The following ARSF variants were observed in gnomAD, a reference collection of about 807,000 sequenced individuals.
The protein encoded by ARSF is arylsulfatase F.
In ARSF, 33 loss-of-function variants were observed where a neutral mutation model predicts 35.4. That is an observed-to-expected ratio of 0.93 (90% confidence interval 0.71 to 1.25). The LOEUF is 1.25. Ranked by LOEUF, ARSF falls within the 50% of genes most tolerant of loss-of-function variation. The probability of loss-of-function intolerance (pLI) is 0.00; values close to 1 mark genes in which losing one functional copy is unlikely to be tolerated. For synonymous variants in ARSF, 222 were observed against 193.1 expected (o/e 1.15, Z -1.24); for missense variants, 501 against 480.2 (o/e 1.04, Z -0.40).
chrX:3,064,824 G>C (rs2090056702), intron 1 of ARSF, among the ~76,000 whole-genome samples: 1 of 111,708 alleles, frequency 9.0e-6, no homozygotes, highest in African/African-American at 3.3e-5. Context: ...AGAGGATGTG[G>C]AGAAATAGGA....
intron 1 of ARSF, 105 bp from the exon 2 acceptor site, chrX:3,067,968 G>A (rs1459582651): frequency 1.8e-6 from 1 of 541,094 alleles, no homozygotes; most frequent in Non-Finnish European, 2.9e-6. Flanking sequence ...TGGCTCACAA[G>A]TCTAGTGTGA....
chrX:3,050,140 C>G (rs1443168842), intron 1 of ARSF, among the ~76,000 whole-genome samples: 2 of 111,798 alleles, frequency 1.8e-5, no homozygotes, highest in Admixed American at 1.9e-4. Flanking sequence ...AAACAAAAGA[C>G]TTTACAACAT....
At chrX:3,055,342 C>CAAAAAAAAAAAAAAAAAA (rs770014108) in intron 1 of ARSF, among the ~76,000 whole-genome samples, 11 of 32,440 alleles carry the variant, frequency 3.4e-4, no homozygotes, top group Non-Finnish European at 4.6e-4. Flanking sequence ...AACTCCATTT[C>CAAAAAAAAAAAAAAAAAA]AAAAAAAAAA....
In ARSF at chrX:3,076,663, C is replaced by G; in HGVS notation, c.277C>G (p.Arg93Gly). 1 of 1,210,654 alleles carries G rather than the reference C, an allele frequency of 8.3e-7. No homozygotes were observed. The highest frequency in any genetic ancestry group is 1.1e-6 in the Non-Finnish European group (1 of 895,007). ...SAFLTGRYPIRSGMVSSGNRR... is the reference protein window; with the variant it reads ...SAFLTGRYPIGSGMVSSGNRR... ...GTTCTTGACGGGAAGATACCCCATCCGATCAGGTGCGCAAACTGGCGGGCT... is the reference window on the plus strand; with the variant it reads ...GTTCTTGACGGGAAGATACCCCATCGGATCAGGTGCGCAAACTGGCGGGCT... Residue 93 changes from arginine to glycine, a missense_variant, in exon 4 of 11, where the codon CGA becomes GGA. By Grantham distance (125) the Arg-to-Gly change is moderately radical (BLOSUM62 -2). Transcript: ENST00000381127.
intron 4 of ARSF, among the ~76,000 whole-genome samples, chrX:3,079,886 GA>G (rs1203628854): frequency 8.7e-5 from 9 of 102,869 alleles, no homozygotes; most frequent in African/African-American, 3.2e-4. Flanking sequence ...TTGAACTCAG[GA>G]GGCAGAGGTT....
chrX:3,098,825 TTTTC>T (rs987945328), intron 7 of ARSF, among the ~76,000 whole-genome samples: 15 of 111,272 alleles, frequency 1.3e-4, no homozygotes, highest in African/African-American at 4.6e-4. Context: ...CTCCTTATAA[TTTTC>T]TTTATTTTTT....
rs762159414 is a variant in ARSF at position 3,103,896 on chromosome X, G to C, written c.1237G>C (p.Val413Leu). 1 of 1,211,518 alleles carries C rather than the reference G, an allele frequency of 8.3e-7. No individual in the cohort carries two copies. The stretch of plus-strand genomic sequence containing the variant: ...GGATATTTTACCAACTGTCGCATCA[G>C]TGTCAGGAGGAAGTCTCCCTCAGGA... Reference protein sequence around the residue: ...LMDILPTVASVSGGSLPQDRV... With the variant: ...LMDILPTVASLSGGSLPQDRV... The change falls in exon 9 of 11, where the codon GTG (valine) becomes CTG (leucine). Residue 413 changes from valine (V) to leucine (L), a missense_variant. Coordinates refer to ENST00000381127, the MANE Select transcript of ARSF (RefSeq NM_001201539.2).
chrX:3,071,897 C>G (rs1243006722), intron 2 of ARSF, 129 bp from the exon 3 acceptor site: 18 of 667,596 alleles, frequency 2.7e-5, no homozygotes, highest in Non-Finnish European at 3.9e-5. Flanking sequence ...GAGAGACACT[C>G]TTGAGCTTCA....
At chrX:3,065,340 G>A (rs985177677) in intron 1 of ARSF, among the ~76,000 whole-genome samples, 21 of 109,380 alleles carry the variant, frequency 1.9e-4, no homozygotes, top group East Asian at 2.9e-4. Context: ...TGTAAATGAC[G>A]GGTTGATGGA....
intron 4 of ARSF, among the ~76,000 whole-genome samples, chrX:3,080,472 CA>C (rs748367193): frequency 3.0e-4 from 28 of 93,623 alleles, no homozygotes; most frequent in African/African-American, 3.9e-4. Flanking sequence ...GACTTCATCT[CA>C]AAAAAAAAAA....
chrX:3,053,758 ATTT>A lies in ARSF; in HGVS notation c.-29+12113_-29+12115del, dbSNP rs773968797. Among the ~76,000 whole-genome samples the A allele has an allele frequency of 9.0e-3, 745 of 82,603 alleles. 13 individuals carry two copies. The highest frequency in any genetic ancestry group is 0.032 in the African/African-American group (707 of 21,950). The allele number at this position is 82,603 out of a possible 115,157, so 71.7% of individuals were successfully genotyped here. A position where few individuals can be genotyped will look rare whatever the true frequency, so the allele number is the denominator to read the frequency against. ...AGGTGCATGCCACCACGCCTGGGTA[ATTT>A]TTTTTTTTTTTTTTTTTGAGGTGGA... is the stretch of plus-strand genomic sequence containing the variant. On this transcript the variant is annotated intron_variant, in intron 1 of 10. Transcript: ENST00000381127.
At chrX:3,087,417 C>T (rs1469533202) in intron 6 of ARSF, among the ~76,000 whole-genome samples, 4 of 110,522 alleles carry the variant, frequency 3.6e-5, no homozygotes, top group African/African-American at 1.3e-4. Context: ...CGCATCACTC[C>T]AGTCTCTGCT....
rs190903184 is a variant in ARSF, at chrX:3,073,940, A to G, written c.161+1765A>G. ...AACTCAGTGCTTTGTGGTGGATAAT[A>G]GAAGCTATCTGTATTAGCCATTCTT... On this transcript the variant is annotated intron_variant, in intron 3 of 10. Coordinates refer to ENST00000381127, the MANE Select transcript of ARSF (RefSeq NM_001201539.2). Among the ~76,000 whole-genome samples the G allele has an allele frequency of 7.7e-3, 847 of 109,755 alleles. 7 individuals carry two copies. Among genetic ancestry groups the G allele is most frequent in the Middle Eastern group, 0.019 (4 of 214 alleles).
chrX:3,075,905 C>G (rs1030298943), intron 3 of ARSF, among the ~76,000 whole-genome samples: 1 of 108,277 alleles, frequency 9.2e-6, no homozygotes, highest in Admixed American at 1.0e-4. Flanking sequence ...CTCTCTGTAT[C>G]TCTCTCTGTG....
intron 1 of ARSF, among the ~76,000 whole-genome samples, chrX:3,062,519 G>A (rs1263422364): frequency 3.6e-5 from 4 of 111,202 alleles, no homozygotes; most frequent in Non-Finnish European, 7.5e-5. Flanking sequence ...CCAGGAGTTG[G>A]TTTTTTGAAA....
At chrX:3,056,495 C>T (rs951974622) in intron 1 of ARSF, among the ~76,000 whole-genome samples, 2 of 110,494 alleles carry the variant, frequency 1.8e-5, no homozygotes, top group African/African-American at 3.3e-5. Context: ...AGGCTGGTCT[C>T]GAACTCCTGG....
intron 4 of ARSF, among the ~76,000 whole-genome samples, chrX:3,079,828 A>G (rs765855362): frequency 9.2e-4 from 99 of 107,110 alleles, no homozygotes; most frequent in Non-Finnish European, 1.9e-4. Context: ...GCATGGTGGT[A>G]CATACCTGTA....
At chrX:3,067,460 T>G (rs1168418332) in intron 1 of ARSF, among the ~76,000 whole-genome samples, 2 of 111,342 alleles carry the variant, frequency 1.8e-5, no homozygotes, top group African/African-American at 6.5e-5. Context: ...GCCTCTTTCC[T>G]TATTCAGGAC....
intron 3 of ARSF, among the ~76,000 whole-genome samples, chrX:3,076,243 G>C (rs752355475): frequency 1.9e-5 from 2 of 106,915 alleles, no homozygotes; most frequent in Non-Finnish European, 3.9e-5. Context: ...TTCTCTCTGT[G>C]TGTCTTACCC....
Sources: gnomAD v4.1 joint callset for allele counts (sites outside exome capture counted in the v4.1 genomes callset) on GRCh38, gnomAD v4.1.1 for gene constraint, MANE v1.5 for transcripts, NCBI Gene and HGNC (gene_info 2026-07-23, HGNC 2026-07-21) for gene names.